ANXA10: variants seen among roughly 807,000 people sequenced by gnomAD.
ANXA10 encodes annexin A10, also known as annexin 14.
A neutral mutation model predicts 53.5 loss-of-function variants in ANXA10; 49 were observed. That is an observed-to-expected ratio of 0.92 (90% confidence interval 0.73 to 1.16). ANXA10 has a LOEUF of 1.16. Among genes scored for constraint, ANXA10 ranks in the 50% most tolerant of loss-of-function variants. The probability of loss-of-function intolerance (pLI) is 0.00; values close to 1 mark genes in which losing one functional copy is unlikely to be tolerated. For missense variants in ANXA10, 393 were observed against 394.4 expected (o/e 1.00, Z 0.03); for synonymous variants, 131 against 128.9 (o/e 1.02, Z -0.11).
At chr4:168,186,550 GAGA>G (rs1732374248) in intron 11 of ANXA10, among the ~76,000 whole-genome samples, 2 of 152,314 alleles carry the variant, frequency 1.3e-5, no homozygotes, top group South Asian at 2.1e-4. Context: ...AGCTTAGAAT[GAGA>G]AGAAGGCTGT....
At chr4:168,176,868 C>T (rs1437880418) in intron 6 of ANXA10, among the ~76,000 whole-genome samples, 2 of 151,962 alleles carry the variant, frequency 1.3e-5, no homozygotes, top group Non-Finnish European at 2.9e-5. Flanking sequence ...CGCATAGTGG[C>T]ACACGCCTGC....
intron 1 of ANXA10, among the ~76,000 whole-genome samples, chr4:168,117,166 C>G (rs1194474795): frequency 6.6e-6 from 1 of 152,090 alleles, no homozygotes; most frequent in Non-Finnish European, 1.5e-5. Context: ...TCACTTGAGC[C>G]TGGTTGGTTG....
chr4:168,156,499 T>C (rs953111396), intron 3 of ANXA10, among the ~76,000 whole-genome samples: 5 of 141,634 alleles, frequency 3.5e-5, no homozygotes, highest in African/African-American at 5.3e-5. Flanking sequence ...TTGTTTTTTG[T>C]TTTGTTTTGT....
intron 2 of ANXA10, among the ~76,000 whole-genome samples, chr4:168,129,190 G>C (rs897700650): frequency 3.9e-5 from 6 of 152,214 alleles, no homozygotes; most frequent in African/African-American, 1.4e-4. Flanking sequence ...ATGCACATCT[G>C]TGTGTTTTAT....
intron 2 of ANXA10, among the ~76,000 whole-genome samples, chr4:168,133,105 A>T (rs199626136): frequency 6.6e-6 from 1 of 152,070 alleles, no homozygotes; most frequent in East Asian, 1.9e-4. Context: ...GTAGTGACAC[A>T]ATTTTGCATT....
chr4:168,123,102 G>T (rs1731013266), intron 1 of ANXA10, among the ~76,000 whole-genome samples: 1 of 152,084 alleles, frequency 6.6e-6, no homozygotes, highest in Non-Finnish European at 1.5e-5. Flanking sequence ...GTAGGTTTTT[G>T]TGGGGGTCTA....
intron 6 of ANXA10, among the ~76,000 whole-genome samples, chr4:168,176,200 G>A (rs1490970336): frequency 6.6e-6 from 1 of 152,122 alleles, no homozygotes; most frequent in Non-Finnish European, 1.5e-5. Context: ...CTATGGAATA[G>A]CAATTCTTGG....
chr4:168,137,114 G>T (rs1288504417), intron 2 of ANXA10, among the ~76,000 whole-genome samples: 1 of 152,116 alleles, frequency 6.6e-6, no homozygotes, highest in Non-Finnish European at 1.5e-5. Flanking sequence ...AGTTGTGCAG[G>T]GTAGCCAGGC....
chr4:168,155,794 A>C (rs377654487), intron 3 of ANXA10, among the ~76,000 whole-genome samples: 358 of 25,046 alleles, frequency 0.014, 46 homozygotes, highest in African/African-American at 0.05. Context: ...TATTATATAT[A>C]ATATATAATA....
chr4:168,133,457 T>C (rs1731186743), intron 2 of ANXA10, among the ~76,000 whole-genome samples: 1 of 152,008 alleles, frequency 6.6e-6, no homozygotes, highest in South Asian at 2.1e-4. Flanking sequence ...GATAACAAAA[T>C]TAATAATTTT....
rs777335241 is a variant in ANXA10, at chr4:168,127,750, T to A, written c.19-334T>A. 6.5e-5 allele frequency: 34 copies of A among 521,558 alleles called. No individual in the cohort carries two copies. The African/African-American group carries it at 6.6e-4, about 10-fold the overall frequency. The allele number at this position is 521,558 out of a possible 1,614,324, so 32.3% of individuals were successfully genotyped here. A position where few individuals can be genotyped will look rare whatever the true frequency, so the allele number is the denominator to read the frequency against. Reference sequence around the variant, plus strand: ...TTGTTTAACAGGCCTTGTGTGTATGTTTTGTAGTAATTTAAACACACAGAA... The same window carrying A: ...TTGTTTAACAGGCCTTGTGTGTATGATTTGTAGTAATTTAAACACACAGAA... On this transcript the variant is annotated intron_variant, in intron 1 of 11. Transcript: ENST00000359299.
At chr4:168,103,347 A>G (rs1168342915) in intron 1 of ANXA10, among the ~76,000 whole-genome samples, 1 of 152,016 alleles carries the variant, frequency 6.6e-6, no homozygotes, top group African/African-American at 2.4e-5. Context: ...TGTATAAGGC[A>G]TGAAGTATAG....
intron 1 of ANXA10, among the ~76,000 whole-genome samples, chr4:168,109,489 C>T (rs1258391865): frequency 3.3e-5 from 5 of 152,038 alleles, no homozygotes. Context: ...GACTTAAGTA[C>T]ATGTTAGGAA....
At chr4:168,171,150 A>C (rs2248103) in intron 6 of ANXA10, among the ~76,000 whole-genome samples, 95,431 of 152,014 alleles carry the variant, frequency 0.63, 30,695 homozygotes, top group African/African-American at 0.76. Context: ...TGGTGTACAC[A>C]ATTTCAGAGA....
intron 1 of ANXA10, among the ~76,000 whole-genome samples, chr4:168,094,518 A>C (rs570358344): frequency 1.3e-5 from 2 of 152,288 alleles, no homozygotes; most frequent in East Asian, 3.9e-4. Context: ...GATGTTCTCA[A>C]GCAAGAGACT....
intron 1 of ANXA10, among the ~76,000 whole-genome samples, chr4:168,120,492 C>T (rs1429149790): frequency 6.6e-6 from 1 of 151,968 alleles, no homozygotes; most frequent in Non-Finnish European, 1.5e-5. Flanking sequence ...TAAGACTTAA[C>T]TTTATTAATA....
intron 1 of ANXA10, among the ~76,000 whole-genome samples, chr4:168,100,410 C>A (rs981236595): frequency 1.3e-5 from 2 of 152,112 alleles, no homozygotes; most frequent in Non-Finnish European, 2.9e-5. Context: ...TGAGGCAGGA[C>A]ATTTCCATAT....
intron 3 of ANXA10, among the ~76,000 whole-genome samples, chr4:168,156,591 C>T (rs1452991581): frequency 6.6e-6 from 1 of 150,568 alleles, no homozygotes; most frequent in African/African-American, 2.4e-5. Context: ...GCAAGCTCTG[C>T]CTCCCAGGTT....
chr4:168,110,705 A>G (rs1730794594), intron 1 of ANXA10, among the ~76,000 whole-genome samples: 2 of 152,162 alleles, frequency 1.3e-5, no homozygotes, highest in Non-Finnish European at 2.9e-5. Flanking sequence ...TGGATTGCCC[A>G]GGCCAGGTTT....
Sources: gnomAD v4.1 joint callset for allele counts (sites outside exome capture counted in the v4.1 genomes callset) on GRCh38, gnomAD v4.1.1 for gene constraint, MANE v1.5 for transcripts, NCBI Gene and HGNC (gene_info 2026-07-23, HGNC 2026-07-21) for gene names.